The following NWD1 variants were observed in gnomAD, a reference collection of about 807,000 sequenced individuals.
NWD1 encodes NACHT and WD repeat domain containing 1.
NWD1 carries 129 observed loss-of-function variants against 135.1 expected under a neutral mutation model. That is an observed-to-expected ratio of 0.96 (90% confidence interval 0.83 to 1.11). NWD1 has a LOEUF of 1.11. Ranked by LOEUF, NWD1 falls within the 50% of genes least tolerant of loss-of-function variation. NWD1 has a pLI of 0.00. For missense variants in NWD1, 1,740 were observed against 1,851.3 expected, an observed-to-expected ratio of 0.94 and a Z score of 1.10; for synonymous variants, 773 against 786.0, an observed-to-expected ratio of 0.98 and a Z score of 0.28.
intron 2 of NWD1, among the ~76,000 whole-genome samples, chr19:16,730,908 TTTC>T (rs373090685): frequency 5.6e-5 from 6 of 106,892 alleles, no homozygotes; most frequent in Non-Finnish European, 3.9e-5. Flanking sequence ...TTTTTCTTTC[TTTC>T]TTTTTTTTTT....
intron 2 of NWD1, among the ~76,000 whole-genome samples, chr19:16,726,809 G>A (rs1967348422): frequency 1.3e-5 from 2 of 152,190 alleles, no homozygotes; most frequent in Admixed American, 1.3e-4. Context: ...GGGGCTTCCT[G>A]GGCATTGTTA....
At chr19:16,747,700 G>A (rs1968383789) in intron 5 of NWD1, among the ~76,000 whole-genome samples, 1 of 151,902 alleles carries the variant, frequency 6.6e-6, no homozygotes. Flanking sequence ...CTCAAAAGAA[G>A]CTCTACCCAT....
At chr19:16,759,050 G>C (rs1968905426) in intron 6 of NWD1, among the ~76,000 whole-genome samples, 175 bp from the exon 7 acceptor site, 1 of 151,124 alleles carries the variant, frequency 6.6e-6, no homozygotes, top group Admixed American at 6.6e-5. Flanking sequence ...GGTCTTCCTT[G>C]GTGGGTATTG....
intron 2 of NWD1, chr19:16,727,391 T>G (rs1967369750): frequency 1.3e-5 from 2 of 152,600 alleles, no homozygotes; most frequent in South Asian, 4.1e-4. Context: ...CTGGAGGTGG[T>G]GGGGGCTGCA....
Position 16,744,464 on chromosome 19 carries a change from G to T in NWD1, c.242G>T (p.Arg81Leu), listed in dbSNP as rs529246893. Residue 81 changes from arginine (R) to leucine (L), a missense_variant, in exon 5 of 19, where the codon CGG becomes CTG. Physicochemically the swap from Arg to Leu is moderately radical, Grantham distance 102. Transcript: ENST00000524140. Reference sequence around the variant, plus strand: ...TACGGCCCCTGTCTGATTCCCTCGCGGATCGATGAGAAGGAGTGGGAGGTA... The same window carrying T: ...TACGGCCCCTGTCTGATTCCCTCGCTGATCGATGAGAAGGAGTGGGAGGTA... ...DQYGPCLIPS[R>L]IDEKEWEVLR... 1 of 1,535,596 alleles carries T rather than the reference G, an allele frequency of 6.5e-7. No homozygotes were observed. Among genetic ancestry groups the T allele is most frequent in the Non-Finnish European group, 8.7e-7 (1 of 1,146,616 alleles).
chr19:16,749,647 C>G lies in NWD1; in HGVS notation c.1005C>G (p.Thr335=). 6.2e-7 allele frequency: 1 copy of G among 1,604,218 alleles called. No individual in the cohort carries two copies. Among genetic ancestry groups the G allele is most frequent in the South Asian group, 1.1e-5 (1 of 90,332 alleles). Reference sequence around the variant, plus strand: ...GGCACGATGACAGCAAGCAGCACACCCCCCTGGTACTCTTTGGGCCCCCAG... The same window carrying G: ...GGCACGATGACAGCAAGCAGCACACGCCCCTGGTACTCTTTGGGCCCCCAG... ...QLRHDDSKQH[T]PLVLFGPPGI... The change falls in exon 6 of 19, where the codon ACC becomes ACG. Residue 335 remains threonine (T), a synonymous_variant. Transcript: ENST00000524140.
At chr19:16,727,640 G>T (rs911583919) in intron 2 of NWD1, 2 of 152,788 alleles carry the variant, frequency 1.3e-5, no homozygotes, top group Non-Finnish European at 2.9e-5. Context: ...TCCACCCAGC[G>T]GTGTGACCAT....
intron 11 of NWD1, among the ~76,000 whole-genome samples, chr19:16,773,585 T>C (rs1599503900): frequency 6.6e-6 from 1 of 152,274 alleles, no homozygotes; most frequent in East Asian, 1.9e-4. Context: ...TCCAAGGGAT[T>C]GGTGCCCATC....
At position 16,744,541 on chromosome 19, in the gene NWD1, T is replaced by A. The variant is rs1255710812; in HGVS notation, c.319T>A (p.Tyr107Asn). ...AAGTGACCTGGAGCTGGTGGCACGA[T>A]ACTTCCAGAGGGACGAGAATGCGTT... is the stretch of plus-strand genomic sequence containing the variant. ...RPSDLELVAR[Y>N]FQRDENAFPP... is the part of the protein sequence containing the mutation. The change falls in exon 5 of 19, where the codon TAC (tyrosine) becomes AAC (asparagine). Residue 107 changes from tyrosine (Y) to asparagine (N), a missense_variant. Physicochemically the swap from Tyr to Asn is moderately radical, Grantham distance 143. Coordinates refer to ENST00000524140, the MANE Select transcript of NWD1 (RefSeq NM_001007525.5). The A allele has an allele frequency of 6.5e-7, 1 of 1,535,906 alleles. No individual in the cohort carries two copies. The highest frequency in any genetic ancestry group is 1.4e-5 in the African/African-American group (1 of 73,032).
chr19:16,814,078 G>A (rs1000621036), intron 18 of NWD1, among the ~76,000 whole-genome samples: 3 of 152,072 alleles, frequency 2.0e-5, no homozygotes, highest in South Asian at 2.1e-4. Flanking sequence ...ATGGGAGGTC[G>A]AGGTGTGGGA....
chr19:16,795,800 G>A (rs997082462), intron 15 of NWD1, among the ~76,000 whole-genome samples: 20 of 152,014 alleles, frequency 1.3e-4, no homozygotes, highest in African/African-American at 4.6e-4. Context: ...CCCCATTCTG[G>A]CCTGCAGTTC....
intron 17 of NWD1, among the ~76,000 whole-genome samples, chr19:16,804,594 GTT>G (rs561345788): frequency 3.4e-5 from 5 of 146,174 alleles, no homozygotes; most frequent in African/African-American, 1.3e-4. Context: ...CTGTCTCTCT[GTT>G]TTTTTTTTTA....
chr19:16,778,494 C>CTTTTTTTTTTTTTT (rs11307621), intron 11 of NWD1, among the ~76,000 whole-genome samples: 4 of 107,566 alleles, frequency 3.7e-5, no homozygotes, highest in African/African-American at 1.4e-4. Flanking sequence ...TCTTCTTCTT[C>CTTTTTTTTTTTTTT]TTTTTTTTTT....
chr19:16,766,406 C>T (rs774753747), intron 10 of NWD1, among the ~76,000 whole-genome samples: 11 of 152,044 alleles, frequency 7.2e-5, no homozygotes, highest in Middle Eastern at 3.4e-3. Flanking sequence ...TGTCTCAAAA[C>T]GAACAAACCA....
chr19:16,810,690 G>T (rs1970899911), intron 18 of NWD1, among the ~76,000 whole-genome samples: 1 of 151,868 alleles, frequency 6.6e-6, no homozygotes, highest in African/African-American at 2.4e-5. Flanking sequence ...TTGAGCCCTG[G>T]AGTTCGAGGC....
rs147984852 is a variant in NWD1, at chr19:16,808,107, C to T, written c.4258C>T (p.Arg1420Cys). 1,287 of 1,613,868 alleles carry T rather than the reference C, an allele frequency of 8.0e-4. 9 individuals carry two copies. The African/African-American group carries it at 0.011, about 14-fold the overall frequency. Residue 1420 changes from arginine (R) to cysteine (C), a missense_variant, in exon 18 of 19, where the codon CGC becomes TGC. By Grantham distance (180) the Arg-to-Cys change is radical. Coordinates refer to ENST00000524140, the MANE Select transcript of NWD1 (RefSeq NM_001007525.5). ...ALLCLWDLQA[R>C]KWKFEMSYTA... ...GCTGTGTCTCTGGGACCTGCAGGCACGCAAGTGGAAATTCGAGATGAGCTA... is the reference window on the plus strand; with the variant it reads ...GCTGTGTCTCTGGGACCTGCAGGCATGCAAGTGGAAATTCGAGATGAGCTA...
chr19:16,793,469 G>C (rs1970316411), intron 14 of NWD1, among the ~76,000 whole-genome samples: 1 of 151,838 alleles, frequency 6.6e-6, no homozygotes, highest in African/African-American at 2.4e-5. Flanking sequence ...CAAACTTATG[G>C]GCTCATTCAG....
intron 5 of NWD1, among the ~76,000 whole-genome samples, chr19:16,748,077 G>A (rs916103901): frequency 4.6e-5 from 7 of 152,130 alleles, no homozygotes; most frequent in African/African-American, 1.2e-4. Flanking sequence ...TTTGCCTCCC[G>A]GGTTCAAGTG....
At chr19:16,793,582 TG>T (rs1235130112) in intron 14 of NWD1, among the ~76,000 whole-genome samples, 1 of 78,112 alleles carries the variant, frequency 1.3e-5, no homozygotes, top group African/African-American at 4.6e-5. Context: ...GGTTTTTGGT[TG>T]TTTTTTTTTT....
Sources: allele counts gnomAD v4.1 joint callset (sites outside exome capture counted in the v4.1 genomes callset), GRCh38; gene constraint gnomAD v4.1.1; transcripts MANE v1.5; gene names NCBI Gene and HGNC (gene_info 2026-07-23, HGNC 2026-07-21).